Variants in CCPG1 observed in about 807,000 individuals in gnomAD.
The protein encoded by CCPG1 is cell cycle progression 1, also known as cell cycle progression protein 1.
CCPG1 carries 46 observed loss-of-function variants against 81.3 expected under a neutral mutation model. The observed-to-expected ratio is 0.57, with a 90% CI of 0.45 to 0.72. The LOEUF (loss-of-function observed/expected upper bound fraction) is 0.72. CCPG1 is among the 30% of genes least tolerant of loss of function. The probability of loss-of-function intolerance (pLI) is 0.00; values close to 1 mark genes in which losing one functional copy is unlikely to be tolerated. For synonymous variants in CCPG1, 330 were observed against 305.2 expected (o/e 1.08, Z -0.85); for missense variants, 902 against 937.6 (o/e 0.96, Z 0.50).
At chr15:55,389,151 A>T (rs2056864786) in intron 2 of CCPG1, among the ~76,000 whole-genome samples, 1 of 151,874 alleles carries the variant, frequency 6.6e-6, no homozygotes. Flanking sequence ...ACCTTCAATA[A>T]ATATTTGCCT....
At chr15:55,361,587 T>C (rs1469408432) in intron 7 of CCPG1, among the ~76,000 whole-genome samples, 1 of 151,276 alleles carries the variant, frequency 6.6e-6, no homozygotes, top group Non-Finnish European at 1.5e-5. Flanking sequence ...GCACCTGTAG[T>C]CCCAGCTACT....
At position 55,356,360 on chromosome 15, in the gene CCPG1, G is replaced by A. The variant is rs1595814760; in HGVS notation, c.2284C>T (p.Arg762Ter). Reference protein sequence around the residue: ...RMVNIENSRHRKQEQKHLQPQ... With the variant: ...RMVNIENSRH ...TGAAGGTGCTTCTGCTCTTGTTTTC[G>A]ATGCCTGGAGTTTTCAATATTTACC... is the stretch of plus-strand genomic sequence containing the variant. Residue 762 changes from arginine (R) to a stop codon, truncating the protein, a stop_gained, in exon 9 of 9, where the codon CGA becomes TGA. Transcript: ENST00000442196. LOFTEE classifies it high-confidence loss of function. 6.5e-7 allele frequency: 1 copy of A among 1,535,060 alleles called. No homozygotes were observed. Among genetic ancestry groups the A allele is most frequent in the Non-Finnish European group, 8.7e-7 (1 of 1,146,726 alleles).
chr15:55,389,238 G>C (rs1595856468), intron 2 of CCPG1, 127 bp downstream of exon 2: 1 of 658,314 alleles, frequency 1.5e-6, no homozygotes, highest in East Asian at 2.7e-5. Context: ...TTTAATATGA[G>C]AGGGAAAATG....
rs1445649428 is a variant in CCPG1, at chr15:55,364,600, C to G, written c.828+588G>C. On this transcript the variant is annotated intron_variant, in intron 7 of 8. Transcript: ENST00000442196. ...AAAACAAAAAAAGGCCATGGCCGAG[C>G]ATGGTGGCTGACACCTGTAATCCCA... Among the ~76,000 whole-genome samples, 7 of 150,946 alleles carry G rather than the reference C, an allele frequency of 4.6e-5. 2 individuals are homozygous for G. Among genetic ancestry groups the G allele is most frequent in the Non-Finnish European group, 1.0e-4 (7 of 67,590 alleles).
chr15:55,378,428 T>C (rs774985410), intron 3 of CCPG1, 52 bp from the exon 4 acceptor site: 3 of 1,154,956 alleles, frequency 2.6e-6, no homozygotes, highest in South Asian at 2.7e-5. Flanking sequence ...AAACTCTCTG[T>C]TGACTTTCTG....
intron 3 of CCPG1, among the ~76,000 whole-genome samples, chr15:55,380,881 T>C (rs1402833412): frequency 6.6e-6 from 1 of 151,752 alleles, no homozygotes; most frequent in African/African-American, 2.4e-5. Flanking sequence ...CTCACGCCTG[T>C]AATCTCAGCA....
intron 7 of CCPG1, among the ~76,000 whole-genome samples, chr15:55,361,561 C>G (rs1264264314): frequency 6.6e-6 from 1 of 151,584 alleles, no homozygotes; most frequent in Non-Finnish European, 1.5e-5. Context: ...CAAAAATTAG[C>G]TGGGCATGGT....
intron 6 of CCPG1, among the ~76,000 whole-genome samples, chr15:55,365,595 T>C (rs1453831730): frequency 6.6e-6 from 1 of 151,626 alleles, no homozygotes; most frequent in Non-Finnish European, 1.5e-5. Flanking sequence ...TAATTTTTTA[T>C]AGAGACAGGG....
At chr15:55,404,363 G>C (rs1397625958) in intron 1 of CCPG1, among the ~76,000 whole-genome samples, 1 of 152,074 alleles carries the variant, frequency 6.6e-6, no homozygotes, top group African/African-American at 2.4e-5. Flanking sequence ...AAAATGTACT[G>C]TATATTACTG....
intron 7 of CCPG1, among the ~76,000 whole-genome samples, chr15:55,363,368 CA>C (rs1209140256): frequency 2.8e-5 from 4 of 144,010 alleles, no homozygotes; most frequent in Admixed American, 6.9e-5. Context: ...ACAAACAAAA[CA>C]AAAAAAAAAC....
intron 1 of CCPG1, among the ~76,000 whole-genome samples, chr15:55,404,066 T>C (rs1192637834): frequency 6.6e-6 from 1 of 152,208 alleles, no homozygotes; most frequent in Non-Finnish European, 1.5e-5. Flanking sequence ...TCTTATGCCC[T>C]GTGAATAGAC....
chr15:55,376,625 C>T (rs1336776393), intron 5 of CCPG1, among the ~76,000 whole-genome samples: 1 of 152,128 alleles, frequency 6.6e-6, no homozygotes, highest in African/African-American at 2.4e-5. Context: ...AAAATATTAA[C>T]ATCCCCAATC....
chr15:55,396,992 G>C (rs1048928695), intron 1 of CCPG1, among the ~76,000 whole-genome samples: 1 of 152,058 alleles, frequency 6.6e-6, no homozygotes, highest in East Asian at 1.9e-4. Context: ...ACGAGGTCAG[G>C]AGATCGAGAC....
rs771390868 is a variant in CCPG1, at chr15:55,360,488, C to T, written c.1285G>A (p.Glu429Lys). ...TTCCGTTCCAGCTCAGTGAGTCTTT[C>T]CCGTAAGATTGCTATTTCCTTTTTT... ...TEKKEIAILRERLTELERKLT... is the reference protein window; with the variant it reads ...TEKKEIAILRKRLTELERKLT... Residue 429 changes from glutamate (E) to lysine (K), a missense_variant, in exon 8 of 9, where the codon GAA becomes AAA. This residue lies in a region of CCPG1 where 746 missense variants were observed against 728.6 expected (regional missense o/e 1.02). Coordinates refer to ENST00000442196, the MANE Select transcript of CCPG1 (RefSeq NM_001204450.2). The T allele has an allele frequency of 6.8e-6, 11 of 1,614,124 alleles. No individual in the cohort carries two copies. In the South Asian group the frequency reaches 9.9e-5, roughly 14 times the overall value.
Position 55,385,600 on chromosome 15 carries a change from C to G in CCPG1, c.175G>C (p.Glu59Gln), listed in dbSNP as rs373616354. 6.6e-7 allele frequency: 1 copy of G among 1,518,880 alleles called. No individual in the cohort carries two copies. The highest frequency in any genetic ancestry group is 9.0e-7 in the Non-Finnish European group (1 of 1,112,568). 94.1% of individuals were successfully genotyped at this position (1,518,880 alleles called of 1,614,324 possible). Residue 59 changes from glutamate (E) to glutamine (Q), a missense_variant and splice_region_variant, in exon 3 of 9, where the codon GAA (glutamate) becomes CAA (glutamine). Physicochemically the swap from Glu to Gln is conservative, Grantham distance 29 (BLOSUM62 2). Coordinates refer to ENST00000442196, the MANE Select transcript of CCPG1 (RefSeq NM_001204450.2). ...ELQALQIEQG[E>Q]SSQNGTVLME... ...AAATTAGAATTTGTGAACAACTTACCTCCTTGCTCTATCTGCAATGCTTGA... is the reference window on the plus strand; with the variant it reads ...AAATTAGAATTTGTGAACAACTTACGTCCTTGCTCTATCTGCAATGCTTGA...
chr15:55,395,294 G>GGA (rs776268449), intron 1 of CCPG1, among the ~76,000 whole-genome samples: 1 of 137,348 alleles, frequency 7.3e-6, no homozygotes, highest in Non-Finnish European at 1.5e-5. Context: ...TACAATCAAA[G>GGA]GAAAAAAAAA....
intron 1 of CCPG1, among the ~76,000 whole-genome samples, chr15:55,404,932 T>C (rs898577161): frequency 1.3e-5 from 2 of 152,060 alleles, no homozygotes; most frequent in African/African-American, 4.8e-5. Context: ...TAGCCGGGCA[T>C]GGTGGTGTGT....
intron 1 of CCPG1, among the ~76,000 whole-genome samples, chr15:55,392,516 C>G (rs2056941525): frequency 6.7e-6 from 1 of 150,128 alleles, no homozygotes; most frequent in South Asian, 2.1e-4. Flanking sequence ...CCGCACCTGG[C>G]CATGATTTTT....
At position 55,359,688 on chromosome 15, in the gene CCPG1, C is replaced by A. The variant is rs1488740325; in HGVS notation, c.2085G>T (p.Lys695Asn). Residue 695 changes from lysine to asparagine, a missense_variant, in exon 8 of 9, where the codon AAG (lysine) becomes AAT (asparagine). By Grantham distance (94) the Lys-to-Asn change is moderately conservative (BLOSUM62 0). Transcript: ENST00000442196. ...CATCATTAACAAAGTCAGTGAAGAG[C>A]TTCTGATCATGTATAAAGACACCGT... is the stretch of plus-strand genomic sequence containing the variant. ...FLNGVFIHDQ[K>N]LFTDFVNDVK... The A allele has an allele frequency of 3.1e-6, 5 of 1,613,442 alleles. No individual in the cohort carries two copies. Among genetic ancestry groups the A allele is most frequent in the Non-Finnish European group, 4.2e-6 (5 of 1,179,876 alleles).
Sources: allele counts gnomAD v4.1 joint callset (sites outside exome capture counted in the v4.1 genomes callset), GRCh38; gene constraint gnomAD v4.1.1; regional missense constraint gnomAD v4.1.1; transcripts MANE v1.5; gene names NCBI Gene and HGNC (gene_info 2026-07-23, HGNC 2026-07-21).